The following SPIDR variants were observed in gnomAD, a reference collection of about 807,000 sequenced individuals.
SPIDR encodes the protein scaffold protein involved in DNA repair, also known as DNA repair-scaffolding protein.
SPIDR carries 93 observed loss-of-function variants against 104.6 expected under a neutral mutation model. The ratio of observed to expected loss-of-function variants is 0.89; its 90% CI spans 0.75 to 1.06. The LOEUF (loss-of-function observed/expected upper bound fraction) is 1.06. Among genes scored for constraint, SPIDR ranks in the 50% least tolerant of loss-of-function variants. The pLI is 0.00. For synonymous variants in SPIDR, 431 were observed against 416.9 expected (o/e 1.03, Z -0.41); for missense variants, 1,154 against 1,111.2 (o/e 1.04, Z -0.55).
intron 10 of SPIDR, among the ~76,000 whole-genome samples, chr8:47,628,113 G>A (rs373173727): frequency 2.0e-5 from 3 of 152,144 alleles, no homozygotes; most frequent in South Asian, 2.1e-4. Context: ...AAAAACAAAC[G>A]AGAGACTCAA....
At chr8:47,556,380 TG>T (rs1337757933) in intron 8 of SPIDR, among the ~76,000 whole-genome samples, 1 of 152,204 alleles carries the variant, frequency 6.6e-6, no homozygotes, top group Non-Finnish European at 1.5e-5. Flanking sequence ...GGGTTTAATC[TG>T]GGGCTCTACC....
intron 5 of SPIDR, among the ~76,000 whole-genome samples, chr8:47,344,065 C>T (rs2051340039): frequency 6.6e-6 from 1 of 151,592 alleles, no homozygotes; most frequent in African/African-American, 2.4e-5. Flanking sequence ...GTGTGCTGCA[C>T]CCATTAACTC....
chr8:47,352,082 T>C (rs2053600244), intron 5 of SPIDR, among the ~76,000 whole-genome samples: 1 of 151,962 alleles, frequency 6.6e-6, no homozygotes, highest in South Asian at 2.1e-4. Flanking sequence ...ATCGAGACTA[T>C]CCTGGCCAAC....
At chr8:47,554,007 G>T (rs1255727315) in intron 8 of SPIDR, among the ~76,000 whole-genome samples, 1 of 152,200 alleles carries the variant, frequency 6.6e-6, no homozygotes, top group Non-Finnish European at 1.5e-5. Context: ...GGAGTTTGCT[G>T]GAGGTCCACT....
rs184226848 is a variant in SPIDR at position 47,511,421 on chromosome 8, C to T, written c.1097+70879C>T. 7.0e-5 allele frequency: 57 copies of T among 817,212 alleles called. No individual in the cohort carries two copies. The African/African-American group carries it at 7.0e-4, about 10-fold the overall frequency. The allele number at this position is 817,212 out of a possible 1,614,324, so 50.6% of individuals were successfully genotyped here. ...AAGGCTTATTTGGACTTCATAAAGT[C>T]CTCGTCCTGATGTTCCTCCATATCC... is the stretch of plus-strand genomic sequence containing the variant. On this transcript the variant is annotated intron_variant, in intron 8 of 19. Transcript: ENST00000297423.
At chr8:47,522,477 G>C (rs2084316935) in intron 8 of SPIDR, among the ~76,000 whole-genome samples, 1 of 152,184 alleles carries the variant, frequency 6.6e-6, no homozygotes, top group Non-Finnish European at 1.5e-5. Context: ...ATCCGAGCCA[G>C]TGTGGAAATG....
rs2036725211 is a variant in SPIDR at position 47,277,374 on chromosome 8, TGTTA to T, written c.34-2487_34-2484del. 3.9e-5 allele frequency among the ~76,000 whole-genome samples: 5 copies of T among 127,708 alleles called. No individual in the cohort carries two copies. In the South Asian group the frequency reaches 1.4e-3, roughly 35 times the overall value. The allele number at this position is 127,708 out of a possible 152,430, so 83.8% of individuals were successfully genotyped here. On this transcript the variant is annotated intron_variant, in intron 1 of 19. Coordinates refer to ENST00000297423, the MANE Select transcript of SPIDR (RefSeq NM_001080394.4). ...TGTTATGTTATGTTATGTTATGTTATGTTATTTTAGAGACAGAGTCTTGCTGTGT... is the reference window on the plus strand; with the variant it reads ...TGTTATGTTATGTTATGTTATGTTATTTTTAGAGACAGAGTCTTGCTGTGT...
chr8:47,559,680 T>C (rs1171274952), intron 8 of SPIDR, among the ~76,000 whole-genome samples: 1 of 152,098 alleles, frequency 6.6e-6, no homozygotes, highest in Admixed American at 6.6e-5. Flanking sequence ...TTGGAGTGGG[T>C]TTAAAGATGA....
At chr8:47,488,608 T>C (rs2078113634) in intron 8 of SPIDR, among the ~76,000 whole-genome samples, 1 of 152,274 alleles carries the variant, frequency 6.6e-6, no homozygotes, top group South Asian at 2.1e-4. Context: ...CTCAGTAAAA[T>C]ACTGGCAAAC....
At chr8:47,516,258 T>TA (rs985614283) in intron 8 of SPIDR, among the ~76,000 whole-genome samples, 59 of 152,218 alleles carry the variant, frequency 3.9e-4, no homozygotes, top group Admixed American at 1.1e-3. Context: ...GAAATGCTTT[T>TA]AAAAAAAATT....
chr8:47,610,848 G>C (rs575849931), intron 10 of SPIDR, among the ~76,000 whole-genome samples: 1 of 152,382 alleles, frequency 6.6e-6, no homozygotes, highest in African/African-American at 2.4e-5. Context: ...ACAAAAGACA[G>C]TGACAGATGC....
At chr8:47,600,359 A>G (rs1290996152) in intron 10 of SPIDR, among the ~76,000 whole-genome samples, 2 of 152,090 alleles carry the variant, frequency 1.3e-5, no homozygotes, top group Admixed American at 6.5e-5. Flanking sequence ...TCTCTAATAT[A>G]AAGACAATGC....
At chr8:47,544,775 T>A (rs1363823009) in intron 8 of SPIDR, among the ~76,000 whole-genome samples, 2 of 152,226 alleles carry the variant, frequency 1.3e-5, no homozygotes, top group Non-Finnish European at 2.9e-5. Flanking sequence ...GTATTCTTTT[T>A]CAAAATTGTT....
chr8:47,364,318 G>A (rs1235134287), intron 5 of SPIDR, among the ~76,000 whole-genome samples: 2 of 152,166 alleles, frequency 1.3e-5, no homozygotes, highest in African/African-American at 2.4e-5. Context: ...TCCTTGACCT[G>A]TATTCTGCAG....
At chr8:47,733,053 T>TTA (rs1275920936) in intron 19 of SPIDR, among the ~76,000 whole-genome samples, 1 of 152,224 alleles carries the variant, frequency 6.6e-6, no homozygotes, top group African/African-American at 2.4e-5. Context: ...TTTGCTAATA[T>TTA]GGTTGTTTAA....
chr8:47,664,899 A>G (rs1001041268), intron 10 of SPIDR, among the ~76,000 whole-genome samples: 7 of 152,024 alleles, frequency 4.6e-5, no homozygotes, highest in Non-Finnish European at 1.0e-4. Flanking sequence ...TGTCTCAAAA[A>G]AAAAAAAAGA....
In SPIDR at chr8:47,701,943, A is replaced by G; in HGVS notation, c.1918-13A>G. ...TCGTGTAATGCTGCCAACCTTTTCTAATTCCTTTCCAGATGAATGATCTTG... is the reference window on the plus strand; with the variant it reads ...TCGTGTAATGCTGCCAACCTTTTCTGATTCCTTTCCAGATGAATGATCTTG... On this transcript the variant is annotated splice_polypyrimidine_tract_variant and intron_variant, in intron 13 of 19. Transcript: ENST00000297423. 2.5e-6 allele frequency: 4 copies of G among 1,613,974 alleles called. No homozygotes were observed. Among genetic ancestry groups the G allele is most frequent in the Non-Finnish European group, 3.4e-6 (4 of 1,180,026 alleles).
At chr8:47,320,452 A>G (rs1554594147) in intron 5 of SPIDR, among the ~76,000 whole-genome samples, 1 of 152,136 alleles carries the variant, frequency 6.6e-6, no homozygotes, top group African/African-American at 2.4e-5. Flanking sequence ...TGAGGCGATA[A>G]TAATAGCTTA....
intron 10 of SPIDR, among the ~76,000 whole-genome samples, chr8:47,632,133 C>T (rs2067161135): frequency 2.6e-5 from 4 of 152,154 alleles, no homozygotes; most frequent in Admixed American, 2.6e-4. Flanking sequence ...TTCTTCACAA[C>T]CTTTTTCATT....
Sources: gnomAD v4.1 joint callset for allele counts (sites outside exome capture counted in the v4.1 genomes callset) on GRCh38, gnomAD v4.1.1 for gene constraint, MANE v1.5 for transcripts, NCBI Gene and HGNC (gene_info 2026-07-23, HGNC 2026-07-21) for gene names.